Variants in CFAP299 observed in about 807,000 individuals in gnomAD.
The protein encoded by CFAP299 is cilia- and flagella-associated protein 299.
Under a neutral mutation model 27.0 loss-of-function variants are expected in CFAP299, and 21 were observed. The observed-to-expected ratio is 0.78, with a 90% CI of 0.55 to 1.12. The LOEUF (loss-of-function observed/expected upper bound fraction) is 1.12, where lower values mean the gene tolerates loss of function less well. CFAP299 is among the 50% of genes most tolerant of loss of function. CFAP299 has a pLI of 0.00. For missense variants in CFAP299, 310 were observed against 276.6 expected, an observed-to-expected ratio of 1.12 and a Z score of -0.86; for synonymous variants, 104 against 98.1, an observed-to-expected ratio of 1.06 and a Z score of -0.36.
At chr4:80,855,506 C>G (rs1322930318) in intron 3 of CFAP299, among the ~76,000 whole-genome samples, 1 of 152,150 alleles carries the variant, frequency 6.6e-6, no homozygotes, top group Non-Finnish European at 1.5e-5. Flanking sequence ...GCTGCACCGA[C>G]TAACTCGTCA....
At chr4:80,731,311 AAC>A (rs1723508819) in intron 3 of CFAP299, among the ~76,000 whole-genome samples, 1 of 152,220 alleles carries the variant, frequency 6.6e-6, no homozygotes, top group Non-Finnish European at 1.5e-5. Context: ...AGTAAACAAA[AAC>A]AGGCACAGTA....
chr4:80,918,708 G>C lies in CFAP299; in HGVS notation c.477-26102G>C, dbSNP rs73829199. Among the ~76,000 whole-genome samples, 549 of 152,208 alleles carry C rather than the reference G, an allele frequency of 3.6e-3. 2 individuals are homozygous for C. Among genetic ancestry groups the C allele is most frequent in the African/African-American group, 0.012 (516 of 41,548 alleles). On this transcript the variant is annotated intron_variant, in intron 4 of 5. Transcript: ENST00000358105. ...ATCTCTTCCCCAACTCTAATGGTGA[G>C]AGGGAGACTTTGCTGCCCCTGTCCA...
intron 3 of CFAP299, among the ~76,000 whole-genome samples, chr4:80,619,105 C>T (rs138187963): frequency 3.5e-4 from 54 of 152,224 alleles, no homozygotes; most frequent in Admixed American, 1.3e-3. Context: ...TCTGTCTGAA[C>T]ATGTGAAAAT....
chr4:80,323,627 A>G, the CFAP299 span, among the ~76,000 whole-genome samples: 1 of 152,212 alleles, frequency 6.6e-6, no homozygotes, highest in Admixed American at 6.5e-5. Context: ...ATATGGAGAA[A>G]CAAATTAGTT....
intron 3 of CFAP299, among the ~76,000 whole-genome samples, chr4:80,681,441 G>C (rs943400488): frequency 4.0e-5 from 6 of 151,536 alleles, no homozygotes; most frequent in East Asian, 1.9e-4. Flanking sequence ...AAAAAAAACT[G>C]AGAAATCAAT....
intron 1 of CFAP299, among the ~76,000 whole-genome samples, chr4:80,359,667 A>G (rs984924784): frequency 1.3e-5 from 2 of 152,172 alleles, no homozygotes; most frequent in African/African-American, 2.4e-5. Context: ...TTTCAGCTCA[A>G]TCAGGTTAGT....
chr4:80,815,445 A>G (rs925730963), intron 3 of CFAP299, among the ~76,000 whole-genome samples: 7 of 152,022 alleles, frequency 4.6e-5, no homozygotes, highest in Non-Finnish European at 1.0e-4. Flanking sequence ...AAAAAATTGT[A>G]TACCATCAAT....
At chr4:80,465,529 C>A (rs1230965730) in intron 2 of CFAP299, among the ~76,000 whole-genome samples, 1 of 152,114 alleles carries the variant, frequency 6.6e-6, no homozygotes, top group Non-Finnish European at 1.5e-5. Context: ...GGTGAGGGAC[C>A]CATGCATGTG....
intron 2 of CFAP299, among the ~76,000 whole-genome samples, chr4:80,506,863 A>C (rs964651046): frequency 1.3e-5 from 2 of 152,170 alleles, no homozygotes; most frequent in Non-Finnish European, 2.9e-5. Flanking sequence ...AAGTTTATGG[A>C]GATTCAATAT....
intron 3 of CFAP299, among the ~76,000 whole-genome samples, chr4:80,688,607 A>G (rs1720407528): frequency 1.3e-5 from 2 of 152,230 alleles, no homozygotes; most frequent in Non-Finnish European, 2.9e-5. Flanking sequence ...ACAGAGCAGA[A>G]AAACTGGAAA....
In CFAP299 at chr4:80,936,433, A is replaced by T. The variant is rs191886557; in HGVS notation, c.477-8377A>T. On this transcript the variant is annotated intron_variant, in intron 4 of 5. Transcript: ENST00000358105. ...GATAAAGAAAACGTAGTACATATAC[A>T]ACACACCATGGAACACTATGCAGCC... is the stretch of plus-strand genomic sequence containing the variant. 6.2e-4 allele frequency among the ~76,000 whole-genome samples: 94 copies of T among 152,280 alleles called. 2 individuals are homozygous for T. The South Asian group carries it at 0.019, about 30-fold the overall frequency.
At chr4:80,497,933 A>T (rs2110147564) in intron 2 of CFAP299, among the ~76,000 whole-genome samples, 1 of 152,290 alleles carries the variant, frequency 6.6e-6, no homozygotes, top group Admixed American at 6.5e-5. Flanking sequence ...GGAGCAGGTT[A>T]GAGATCCCAG....
intron 3 of CFAP299, among the ~76,000 whole-genome samples, chr4:80,697,845 C>T (rs147729796): frequency 8.6e-4 from 130 of 152,040 alleles, no homozygotes; most frequent in South Asian, 1.7e-3. Flanking sequence ...AAAGTGACAC[C>T]GAAGATAATT....
chr4:80,659,187 A>T (rs114229500), intron 3 of CFAP299, among the ~76,000 whole-genome samples: 1,631 of 152,190 alleles, frequency 0.011, 32 homozygotes, highest in African/African-American at 0.035. Context: ...ATAAAATCGA[A>T]AGCAAAACTA....
chr4:80,763,346 C>T (rs1017545659), intron 3 of CFAP299, among the ~76,000 whole-genome samples: 26 of 152,140 alleles, frequency 1.7e-4, no homozygotes, highest in Admixed American at 3.3e-4. Context: ...AGTGAACTCC[C>T]GTTCACAATA....
chr4:80,641,593 T>C (rs1466885161), intron 3 of CFAP299, among the ~76,000 whole-genome samples: 2 of 152,218 alleles, frequency 1.3e-5, no homozygotes, highest in East Asian at 3.8e-4. Flanking sequence ...TTAACAACTT[T>C]TACAGTTAAG....
chr4:80,558,354 G>GTTTTT (rs1159652533), intron 2 of CFAP299, among the ~76,000 whole-genome samples: 54 of 126,402 alleles, frequency 4.3e-4, no homozygotes, highest in African/African-American at 8.9e-4. Context: ...TTGTTTGTTT[G>GTTTTT]TTTGTTTGTT....
chr4:80,943,067 A>C (rs1737279630), intron 4 of CFAP299, among the ~76,000 whole-genome samples: 1 of 152,246 alleles, frequency 6.6e-6, no homozygotes, highest in South Asian at 2.1e-4. Flanking sequence ...AGGCTTATTA[A>C]GTTGAGGGCC....
intron 2 of CFAP299, among the ~76,000 whole-genome samples, chr4:80,500,119 G>T (rs1430543127): frequency 6.6e-6 from 1 of 152,016 alleles, no homozygotes; most frequent in Non-Finnish European, 1.5e-5. Flanking sequence ...CATCTCAAGT[G>T]AAATTGCCCT....
Sources: allele counts gnomAD v4.1 joint callset (sites outside exome capture counted in the v4.1 genomes callset), GRCh38; gene constraint gnomAD v4.1.1; transcripts MANE v1.5; gene names NCBI Gene and HGNC (gene_info 2026-07-23, HGNC 2026-07-21).